The following ZBTB25 variants were observed in gnomAD, a reference collection of about 807,000 sequenced individuals.
The protein encoded by ZBTB25 is zinc finger and BTB domain-containing protein 25.
A neutral mutation model predicts 34.2 loss-of-function variants in ZBTB25; 20 were observed. The observed-to-expected ratio is 0.58, with a 90% CI of 0.41 to 0.85. The LOEUF (loss-of-function observed/expected upper bound fraction) is 0.85, where lower values mean the gene tolerates loss of function less well. ZBTB25 is among the 40% of genes least tolerant of loss of function. The probability of loss-of-function intolerance (pLI) is 0.00; values close to 1 mark genes in which losing one functional copy is unlikely to be tolerated. For synonymous variants in ZBTB25, 175 were observed against 186.4 expected (o/e 0.94, Z 0.50); for missense variants, 437 against 521.8 (o/e 0.84, Z 1.58).
At chr14:64,450,319 A>G (rs1454729569) in intron 2 of ZBTB25, among the ~76,000 whole-genome samples, 3 of 152,222 alleles carry the variant, frequency 2.0e-5, no homozygotes, top group African/African-American at 7.2e-5. Flanking sequence ...CGAGCTTACA[A>G]AATTTTTCTG....
At chr14:64,503,557 A>T in intron 1 of ZBTB25, 104 bp downstream of exon 1, 10 of 986,120 alleles carry the variant, frequency 1.0e-5, no homozygotes, top group Non-Finnish European at 1.2e-5. Flanking sequence ...AGCTACTTGC[A>T]TCTGTCCCGC....
Position 64,484,863 on chromosome 14 carries a change from A to G in ZBTB25, c.*2060T>C, listed in dbSNP as rs543972129. On this transcript the variant is annotated 3_prime_UTR_variant, in exon 3 of 3. Coordinates refer to ENST00000608382, the MANE Select transcript of ZBTB25 (RefSeq NM_006977.5). ...ATACTTGTGTTCTTCCAATGAGATGATATTTTTGAGGGCAGTACAAATTTC... is the reference window on the plus strand; with the variant it reads ...ATACTTGTGTTCTTCCAATGAGATGGTATTTTTGAGGGCAGTACAAATTTC... 21 of 266,818 alleles carry G rather than the reference A, an allele frequency of 7.9e-5. No homozygotes were observed. The South Asian group carries it at 1.3e-3, about 16-fold the overall frequency. The allele number at this position is 266,818 out of a possible 1,614,324, so 16.5% of individuals were successfully genotyped here.
chr14:64,452,667 C>G (rs1056373685), intron 2 of ZBTB25, among the ~76,000 whole-genome samples: 17 of 152,126 alleles, frequency 1.1e-4, no homozygotes, highest in African/African-American at 3.9e-4. Context: ...TTTTCTAATA[C>G]CTGGGTGATT....
chr14:64,458,486 A>G, intron 2 of ZBTB25: 1 of 641,038 alleles, frequency 1.6e-6, no homozygotes. Flanking sequence ...ATGAATTGAA[A>G]TATTTATATT....
intron 1 of ZBTB25, among the ~76,000 whole-genome samples, chr14:64,491,360 A>G (rs1202298764): frequency 1.3e-5 from 2 of 152,046 alleles, no homozygotes; most frequent in African/African-American, 4.8e-5. Context: ...CAACTACTTG[A>G]GGGGCTGAGG....
chr14:64,453,925 T>G, intron 2 of ZBTB25: 3 of 1,027,018 alleles, frequency 2.9e-6, no homozygotes, highest in Non-Finnish European at 4.6e-6. Context: ...TCACAATCTC[T>G]GGGTCCTCCC....
At chr14:64,496,377 C>T (rs576389045) in intron 1 of ZBTB25, among the ~76,000 whole-genome samples, 1 of 151,998 alleles carries the variant, frequency 6.6e-6, no homozygotes, top group African/African-American at 2.4e-5. Flanking sequence ...CCCAGCTACT[C>T]GGGAGGCTGA....
At chr14:64,456,690 C>G (rs2078479914) in intron 2 of ZBTB25, among the ~76,000 whole-genome samples, 1 of 152,178 alleles carries the variant, frequency 6.6e-6, no homozygotes, top group South Asian at 2.1e-4. Flanking sequence ...TCCTACTTGT[C>G]TCACACCTAG....
chr14:64,469,587 CTCTAG>C, intron 2 of ZBTB25: 1 of 1,613,704 alleles, frequency 6.2e-7, no homozygotes, highest in Non-Finnish European at 8.5e-7. Context: ...ACAGCCTCTT[CTCTAG>C]TCAAGAATGC....
At position 64,488,143 on chromosome 14, in the gene ZBTB25, A is replaced by G. The variant is rs2078946395; in HGVS notation, c.174-86T>C. On this transcript the variant is annotated intron_variant, in intron 2 of 2. Coordinates refer to ENST00000608382, the MANE Select transcript of ZBTB25 (RefSeq NM_006977.5). ...AACAGTATAGTCTGAGACTAAAGCA[A>G]TTTCTTCCTAAGAAGTTCGAACCTA... 3 of 1,504,774 alleles carry G rather than the reference A, an allele frequency of 2.0e-6. No homozygotes were observed. In the African/African-American group the frequency reaches 4.2e-5, roughly 21 times the overall value. The allele number at this position is 1,504,774 out of a possible 1,614,324, so 93.2% of individuals were successfully genotyped here.
At position 64,487,029 on chromosome 14, in the gene ZBTB25, T is replaced by TCAGAC. The variant is rs2078885349; in HGVS notation, c.1197_1201dup (p.Asp401GlyfsTer6). 6.2e-7 allele frequency: 1 copy of TCAGAC among 1,614,068 alleles called. No homozygotes were observed. The highest frequency in any genetic ancestry group is 1.7e-5 in the Admixed American group (1 of 60,012). ...CAAGCGAGAACTTTTCAGGGAGACA[T>TCAGAC]CAGACCAGCTGTCACAGTATGGCTG... is the stretch of plus-strand genomic sequence containing the variant. On this transcript the variant is annotated frameshift_variant, in exon 3 of 3. Coordinates refer to ENST00000608382, the MANE Select transcript of ZBTB25 (RefSeq NM_006977.5). LOFTEE classifies it high-confidence loss of function.
At chr14:64,458,085 C>G (rs904032953) in intron 2 of ZBTB25, 7 of 776,378 alleles carry the variant, frequency 9.0e-6, no homozygotes, top group African/African-American at 1.7e-5. Flanking sequence ...AGATGGGGGT[C>G]TCACTATGTT....
Position 64,486,598 on chromosome 14 carries a change from A to G in ZBTB25, c.*325T>C. 1 of 943,666 alleles carries G rather than the reference A, an allele frequency of 1.1e-6. No homozygotes were observed. Among genetic ancestry groups the G allele is most frequent in the African/African-American group, 1.7e-5 (1 of 57,700 alleles). The allele number at this position is 943,666 out of a possible 1,614,324, so 58.5% of individuals were successfully genotyped here. A position where few individuals can be genotyped will look rare whatever the true frequency, so the allele number is the denominator to read the frequency against. ...ACAGATTTCATTTACTTTATATTCAATTTGATTTTACTGATTCTATAACTG... is the reference window on the plus strand; with the variant it reads ...ACAGATTTCATTTACTTTATATTCAGTTTGATTTTACTGATTCTATAACTG... On this transcript the variant is annotated 3_prime_UTR_variant, in exon 3 of 3. Coordinates refer to ENST00000608382, the MANE Select transcript of ZBTB25 (RefSeq NM_006977.5).
chr14:64,496,728 T>G (rs1441006442), intron 1 of ZBTB25, among the ~76,000 whole-genome samples: 1 of 152,236 alleles, frequency 6.6e-6, no homozygotes, highest in Non-Finnish European at 1.5e-5. Flanking sequence ...TGGACTCTCT[T>G]ATCTGATTCT....
At chr14:64,449,547 T>C in exon 3 of ZBTB25, 2 of 1,614,104 alleles carry the variant, frequency 1.2e-6, no homozygotes, top group Non-Finnish European at 1.7e-6. Context: ...GGGGCAAGGG[T>C]GCCTTAGCCC....
At chr14:64,477,870 T>C (rs2078733972), downstream of ZBTB25, among the ~76,000 whole-genome samples, 1 of 152,206 alleles carries the variant, frequency 6.6e-6, no homozygotes, top group Non-Finnish European at 1.5e-5. Flanking sequence ...CTCCTGAAAC[T>C]TGTTAATAAC....
At chr14:64,458,552 G>A in intron 2 of ZBTB25, 1 of 523,392 alleles carries the variant, frequency 1.9e-6, no homozygotes, top group Non-Finnish European at 3.4e-6. Context: ...ACAGTGTAGG[G>A]GAGAAAACTG....
rs1417233173 is a variant in ZBTB25, at chr14:64,479,031, TTTTA to T, written c.*7888_*7891del. On this transcript the variant is annotated 3_prime_UTR_variant, in exon 3 of 3. Transcript: ENST00000608382. ...GATTTTTAATAATCACATTTTTTCCTTTTATTTCTAATAATCACATTTTTATCTT... is the reference window on the plus strand; with the variant it reads ...GATTTTTAATAATCACATTTTTTCCTTTTCTAATAATCACATTTTTATCTT... The T allele has an allele frequency of 1.3e-5, 2 of 152,240 alleles. No homozygotes were observed. Among genetic ancestry groups the T allele is most frequent in the Non-Finnish European group, 2.9e-5 (2 of 68,046 alleles). The allele number at this position is 152,240 out of a possible 1,614,324, so 9.4% of individuals were successfully genotyped here.
intron 2 of ZBTB25, among the ~76,000 whole-genome samples, chr14:64,453,414 A>G (rs1001363174): frequency 1.3e-5 from 2 of 152,112 alleles, no homozygotes; most frequent in African/African-American, 4.8e-5. Flanking sequence ...TCTACTAAAA[A>G]TACAGAATTA....
Sources: gnomAD v4.1 joint callset for allele counts (sites outside exome capture counted in the v4.1 genomes callset) on GRCh38, gnomAD v4.1.1 for gene constraint, MANE v1.5 for transcripts, NCBI Gene and HGNC (gene_info 2026-07-23, HGNC 2026-07-21) for gene names.